The following SLC4A10 variants were observed in gnomAD, a reference collection of about 807,000 sequenced individuals.
The protein encoded by SLC4A10 is solute carrier family 4 member 10.
A neutral mutation model predicts 137.7 loss-of-function variants in SLC4A10; 42 were observed. The observed-to-expected ratio is 0.30, with a 90% CI of 0.24 to 0.39. The LOEUF (loss-of-function observed/expected upper bound fraction) is 0.39, where lower values mean the gene tolerates loss of function less well. Among genes scored for constraint, SLC4A10 ranks in the 10% least tolerant of loss-of-function variants. SLC4A10 has a pLI of 1.00. For synonymous variants in SLC4A10, 474 were observed against 464.1 expected (o/e 1.02, Z -0.27); for missense variants, 925 against 1,355.0 (o/e 0.68, Z 4.98).
chr2:161,870,197 C>A (rs1359881199), intron 6 of SLC4A10, among the ~76,000 whole-genome samples: 1 of 151,030 alleles, frequency 6.6e-6, no homozygotes, highest in Non-Finnish European at 1.5e-5. Context: ...AGGAGAAATA[C>A]AAGTATTAAT....
At chr2:161,854,565 A>C (rs2059997904) in intron 4 of SLC4A10, among the ~76,000 whole-genome samples, 1 of 152,176 alleles carries the variant, frequency 6.6e-6, no homozygotes, top group Non-Finnish European at 1.5e-5. Context: ...TAAAATATTC[A>C]GGTTTAAGAC....
At chr2:161,683,481 T>C (rs1364005030) in intron 1 of SLC4A10, among the ~76,000 whole-genome samples, 1 of 152,152 alleles carries the variant, frequency 6.6e-6, no homozygotes, top group Non-Finnish European at 1.5e-5. Flanking sequence ...GTATTAATTG[T>C]AGCAGAAAAG....
intron 1 of SLC4A10, among the ~76,000 whole-genome samples, chr2:161,633,085 A>G (rs1029439751): frequency 6.6e-6 from 1 of 151,596 alleles, no homozygotes; most frequent in Non-Finnish European, 1.5e-5. Flanking sequence ...ATGGACATTC[A>G]GTATACTACT....
At chr2:161,803,688 G>C (rs1406544282) in intron 2 of SLC4A10, among the ~76,000 whole-genome samples, 2 of 151,930 alleles carry the variant, frequency 1.3e-5, no homozygotes, top group African/African-American at 4.8e-5. Context: ...TCTTTTTTGT[G>C]GTTGACAGCT....
At chr2:161,639,062 C>A (rs1273031914) in intron 1 of SLC4A10, among the ~76,000 whole-genome samples, 1 of 151,966 alleles carries the variant, frequency 6.6e-6, no homozygotes, top group Non-Finnish European at 1.5e-5. Flanking sequence ...AACATACAAC[C>A]TGCCAAGACT....
intron 3 of SLC4A10, among the ~76,000 whole-genome samples, chr2:161,810,586 G>C (rs1255967938): frequency 6.6e-6 from 1 of 151,756 alleles, no homozygotes; most frequent in East Asian, 1.9e-4. Flanking sequence ...AGGGATTTGG[G>C]ATTCTCTTGA....
intron 1 of SLC4A10, among the ~76,000 whole-genome samples, chr2:161,673,871 T>C (rs1381362197): frequency 2.0e-5 from 3 of 152,114 alleles, no homozygotes; most frequent in African/African-American, 7.2e-5. Flanking sequence ...ACACCGGTAG[T>C]CTCAGCTATT....
intron 2 of SLC4A10, among the ~76,000 whole-genome samples, chr2:161,780,174 A>G (rs2052843990): frequency 6.6e-6 from 1 of 152,068 alleles, no homozygotes; most frequent in Non-Finnish European, 1.5e-5. Context: ...AGTGTGAATT[A>G]TTTTATTTAA....
chr2:161,842,615 C>T (rs1235531251), intron 4 of SLC4A10, among the ~76,000 whole-genome samples: 1 of 151,968 alleles, frequency 6.6e-6, no homozygotes, highest in Non-Finnish European at 1.5e-5. Flanking sequence ...TAAGTTTCCT[C>T]ATGATGTTTT....
chr2:161,891,100 T>C (rs140112068), intron 10 of SLC4A10, among the ~76,000 whole-genome samples: 10,418 of 152,254 alleles, frequency 0.068, 463 homozygotes, highest in East Asian at 0.13. Flanking sequence ...ATTTCTTTTC[T>C]TTAAGAATGT....
chr2:161,839,299 G>C (rs1286617888), intron 3 of SLC4A10, among the ~76,000 whole-genome samples: 1 of 152,142 alleles, frequency 6.6e-6, no homozygotes, highest in African/African-American at 2.4e-5. Flanking sequence ...GGTTGCTGGG[G>C]GCTACAAAAG....
intron 1 of SLC4A10, among the ~76,000 whole-genome samples, chr2:161,748,986 C>A (rs2048673487): frequency 6.6e-6 from 1 of 151,768 alleles, no homozygotes. Flanking sequence ...GTGTACAGAT[C>A]TTTTAGTTCT....
chr2:161,831,613 C>T (rs2125741913), intron 3 of SLC4A10, among the ~76,000 whole-genome samples: 1 of 152,080 alleles, frequency 6.6e-6, no homozygotes, highest in South Asian at 2.1e-4. Flanking sequence ...TATGGATTTT[C>T]TTTTTAAGAC....
chr2:161,781,878 A>C (rs1475542283), intron 2 of SLC4A10, among the ~76,000 whole-genome samples: 2 of 152,126 alleles, frequency 1.3e-5, no homozygotes, highest in East Asian at 1.9e-4. Flanking sequence ...GTCTGCCAAA[A>C]TTTCTACCCC....
chr2:161,709,506 T>C (rs1043237917), intron 1 of SLC4A10, among the ~76,000 whole-genome samples: 8 of 151,664 alleles, frequency 5.3e-5, no homozygotes, highest in Non-Finnish European at 7.4e-5. Context: ...TAACGTATTG[T>C]TCATAGAAGA....
intron 12 of SLC4A10, 36 bp from the exon 13 acceptor site, chr2:161,903,968 T>C (rs1559500467): frequency 6.6e-7 from 1 of 1,519,620 alleles, no homozygotes; most frequent in East Asian, 2.4e-5. Flanking sequence ...TTTTTTATAT[T>C]TGGGTTTCAC....
intron 1 of SLC4A10, among the ~76,000 whole-genome samples, chr2:161,664,358 GA>G (rs2038798192): frequency 1.3e-5 from 2 of 151,900 alleles, no homozygotes; most frequent in African/African-American, 4.8e-5. Context: ...AAACCTTGGT[GA>G]ATTGTATAAT....
chr2:161,815,554 G>T (rs533744925), intron 3 of SLC4A10, among the ~76,000 whole-genome samples: 1 of 151,978 alleles, frequency 6.6e-6, no homozygotes, highest in African/African-American at 2.4e-5. Context: ...ATACAGTAAC[G>T]TATATGAATC....
intron 12 of SLC4A10, among the ~76,000 whole-genome samples, chr2:161,903,554 C>T (rs765185492): frequency 6.6e-6 from 1 of 152,100 alleles, no homozygotes; most frequent in Non-Finnish European, 1.5e-5. Flanking sequence ...GGGTGATGCT[C>T]ACTACTGGAG....
Sources: allele counts gnomAD v4.1 joint callset (sites outside exome capture counted in the v4.1 genomes callset), GRCh38; gene constraint gnomAD v4.1.1; transcripts MANE v1.5; gene names NCBI Gene and HGNC (gene_info 2026-07-23, HGNC 2026-07-21).